Variants in SLC8B1 observed in about 807,000 individuals in gnomAD.
SLC8B1 encodes the protein mitochondrial sodium/calcium exchanger protein.
In SLC8B1, 52 loss-of-function variants were observed where a neutral mutation model predicts 63.4. That is an observed-to-expected ratio of 0.82 (90% CI 0.66 to 1.03). The LOEUF is 1.03. Among genes scored for constraint, SLC8B1 ranks in the 50% least tolerant of loss-of-function variants. SLC8B1 has a pLI of 0.00. For missense variants in SLC8B1, 657 were observed against 741.7 expected (o/e 0.89, Z 1.33); for synonymous variants, 336 against 323.9 (o/e 1.04, Z -0.40).
intron 2 of SLC8B1, among the ~76,000 whole-genome samples, chr12:113,327,711 G>A (rs1489940596): frequency 1.5e-4 from 23 of 150,452 alleles, no homozygotes; most frequent in Non-Finnish European, 1.3e-4. Flanking sequence ...GGCTGGGCGC[G>A]GTGGGTCACA....
chr12:113,319,935 A>G (rs1354940588), intron 7 of SLC8B1: 9 of 185,280 alleles, frequency 4.9e-5, no homozygotes, highest in African/African-American at 9.5e-5. Flanking sequence ...GGCCACAGGA[A>G]TGCACCACCA....
chr12:113,316,608 A>T lies in SLC8B1; in HGVS notation c.911T>A (p.Ile304Asn). The stretch of plus-strand genomic sequence containing the variant: ...CAGGGGATTGAGGGCCCGGACCAGG[A>T]TCTGAGCCGTGGTCTCCTGGTAGAA... Reference protein sequence around the residue: ...LFFYQETTAQILVRALNPLDY... With the variant: ...LFFYQETTAQNLVRALNPLDY... Residue 304 changes from isoleucine to asparagine, a missense_variant, in exon 10 of 16, where the codon ATC (isoleucine) becomes AAC (asparagine). By Grantham distance (149) the Ile-to-Asn change is moderately radical. Transcript: ENST00000680972. 1 of 1,614,136 alleles carries T rather than the reference A, an allele frequency of 6.2e-7. No homozygotes were observed. The highest frequency in any genetic ancestry group is 8.5e-7 in the Non-Finnish European group (1 of 1,180,020).
At chr12:113,329,123 C>T (rs1483888490) in intron 2 of SLC8B1, among the ~76,000 whole-genome samples, 2 of 152,184 alleles carry the variant, frequency 1.3e-5, no homozygotes, top group Admixed American at 1.3e-4. Flanking sequence ...GTAGGCCCTC[C>T]TAACAGTTGT....
intron 13 of SLC8B1, chr12:113,306,926 C>T: frequency 2.8e-6 from 1 of 356,382 alleles, no homozygotes; most frequent in East Asian, 4.3e-5. Context: ...GCCTGGCCAA[C>T]ATGATGAAAC....
chr12:113,325,096 C>T (rs929870102), intron 2 of SLC8B1, among the ~76,000 whole-genome samples: 3 of 152,188 alleles, frequency 2.0e-5, no homozygotes, highest in Non-Finnish European at 4.4e-5. Context: ...TATACCAACC[C>T]CATTGATAAA....
At chr12:113,316,496 G>A (rs535181226) in intron 10 of SLC8B1, 30 bp downstream of exon 10, 2 of 1,608,526 alleles carry the variant, frequency 1.2e-6, no homozygotes, top group Admixed American at 1.7e-5. Context: ...CTGTCAGAAG[G>A]CTGTGAGCCT....
intron 15 of SLC8B1, 83 bp from the exon 16 acceptor site, chr12:113,300,057 C>G (rs1329799032): frequency 1.6e-6 from 2 of 1,261,644 alleles, no homozygotes; most frequent in Non-Finnish European, 2.3e-6. Flanking sequence ...ACAATGCAGC[C>G]TCAACAACAA....
In SLC8B1 at chr12:113,320,431, G is replaced by A; in HGVS notation, c.594C>T (p.Ala198=). The A allele has an allele frequency of 6.2e-7, 1 of 1,614,200 alleles. No individual in the cohort carries two copies. The highest frequency in any genetic ancestry group is 8.5e-7 in the Non-Finnish European group (1 of 1,180,034). The change falls in exon 7 of 16, where the codon GCC becomes GCT. Residue 198 remains alanine (A), a synonymous_variant. Coordinates refer to ENST00000680972, the MANE Select transcript of SLC8B1 (RefSeq NM_001358345.2). This position sits in a 1 kb window ranked among gnomAD's most constrained non-coding sequence, Gnocchi z 5.3. The part of the protein sequence containing the change: ...GITILHPFMA[A]SRPFFRDIVF... ...CGATGTCCCTGAAGAAGGGCCTGGA[G>A]GCAGCCATGAAGGGGTGTAGGATGG... is the stretch of plus-strand genomic sequence containing the variant.
At chr12:113,318,196 T>C (rs1376208741) in intron 8 of SLC8B1, among the ~76,000 whole-genome samples, 2 of 151,378 alleles carry the variant, frequency 1.3e-5, no homozygotes, top group African/African-American at 2.4e-5. Flanking sequence ...GTTGCACATG[T>C]ATGTGCATGT....
Position 113,320,201 on chromosome 12 carries a change from G to A in SLC8B1, c.694+130C>T. On this transcript the variant is annotated intron_variant, in intron 7 of 15. Coordinates refer to ENST00000680972, the MANE Select transcript of SLC8B1 (RefSeq NM_001358345.2). The surrounding 1 kb of genome is among the most constrained non-coding windows in gnomAD (Gnocchi z 5.3). The stretch of plus-strand genomic sequence containing the variant: ...ATTTTTGCTCAAGCCAGCTTGAGGA[G>A]GGTTTCTGTCACTTGTAATCAAATC... 1 of 1,163,214 alleles carries A rather than the reference G, an allele frequency of 8.6e-7. No homozygotes were observed. The highest frequency in any genetic ancestry group is 1.2e-6 in the Non-Finnish European group (1 of 825,794). The allele number at this position is 1,163,214 out of a possible 1,614,324, so 72.1% of individuals were successfully genotyped here.
intron 11 of SLC8B1, among the ~76,000 whole-genome samples, chr12:113,315,018 G>C (rs1956815136): frequency 6.6e-6 from 1 of 152,232 alleles, no homozygotes; most frequent in Non-Finnish European, 1.5e-5. Flanking sequence ...GTGCACGGTG[G>C]CTCACGCCTG....
chr12:113,309,838 G>A (rs1956731078), intron 12 of SLC8B1, among the ~76,000 whole-genome samples: 1 of 152,014 alleles, frequency 6.6e-6, no homozygotes, highest in African/African-American at 2.4e-5. Flanking sequence ...GCGGAGTAGA[G>A]TCGTGGTTGC....
chr12:113,331,642 C>T (rs1420692184), intron 2 of SLC8B1, among the ~76,000 whole-genome samples: 1 of 152,156 alleles, frequency 6.6e-6, no homozygotes, highest in Non-Finnish European at 1.5e-5. Context: ...CTAAAGGCTG[C>T]ACTGTCAGCT....
In SLC8B1 at chr12:113,320,330, C is replaced by T; in HGVS notation, c.694+1G>A. 1 of 1,613,952 alleles carries T rather than the reference C, an allele frequency of 6.2e-7. No homozygotes were observed. The highest frequency in any genetic ancestry group is 8.5e-7 in the Non-Finnish European group (1 of 1,179,906). ...CACGCCTGAGCCCCAGAGCTGCTCA[C>T]CCAGAGCCCATGCCAGGGTGACCCT... On this transcript the variant is annotated splice_donor_variant, in intron 7 of 15. Coordinates refer to ENST00000680972, the MANE Select transcript of SLC8B1 (RefSeq NM_001358345.2). LOFTEE classifies it high-confidence loss of function. This position sits in a 1 kb window ranked among gnomAD's most constrained non-coding sequence, Gnocchi z 5.3.
chr12:113,321,444 C>T, intron 2 of SLC8B1, 96 bp from the exon 3 acceptor site: 1 of 1,544,986 alleles, frequency 6.5e-7, no homozygotes, highest in South Asian at 1.2e-5. Flanking sequence ...TCCCTTCAGC[C>T]TGGTCTCCAA....
At chr12:113,317,238 G>C (rs1956847240) in intron 8 of SLC8B1, among the ~76,000 whole-genome samples, 1 of 152,086 alleles carries the variant, frequency 6.6e-6, no homozygotes, top group Non-Finnish European at 1.5e-5. Flanking sequence ...CTCCCGAGTA[G>C]CTGAGACTAT....
Position 113,307,735 on chromosome 12 carries a change from G to A in SLC8B1, c.1367C>T (p.Thr456Ile), listed in dbSNP as rs746065889. The A allele has an allele frequency of 6.2e-7, 1 of 1,614,092 alleles. No homozygotes were observed. The highest frequency in any genetic ancestry group is 8.5e-7 in the Non-Finnish European group (1 of 1,180,046). The change falls in exon 13 of 16, where the codon ACT (threonine) becomes ATT (isoleucine). Residue 456 changes from threonine to isoleucine, a missense_variant. Coordinates refer to ENST00000680972, the MANE Select transcript of SLC8B1 (RefSeq NM_001358345.2). The stretch of plus-strand genomic sequence containing the variant: ...GGCCAGCAGCGTGAGCCCCAGCACA[G>A]TGTTGCTCAGCCGGAAGACCACACC... ...SLGVVFRLSNTVLGLTLLAWG... is the reference protein window; with the variant it reads ...SLGVVFRLSNIVLGLTLLAWG...
At chr12:113,308,183 C>T (rs1468697694) in intron 12 of SLC8B1, 1 of 219,790 alleles carries the variant, frequency 4.5e-6, no homozygotes, top group Non-Finnish European at 9.2e-6. Flanking sequence ...CTTGTCTCTA[C>T]TAAAAATACA....
intron 2 of SLC8B1, among the ~76,000 whole-genome samples, chr12:113,331,214 C>T (rs1049389867): frequency 1.3e-5 from 2 of 151,880 alleles, no homozygotes; most frequent in Non-Finnish European, 2.9e-5. Flanking sequence ...TGGTGAAACC[C>T]TGTTTCTACT....
Sources: allele counts gnomAD v4.1 joint callset (sites outside exome capture counted in the v4.1 genomes callset), GRCh38; gene constraint gnomAD v4.1.1; non-coding constraint Gnocchi (gnomAD v3.1); transcripts MANE v1.5; gene names NCBI Gene and HGNC (gene_info 2026-07-23, HGNC 2026-07-21).